ALDH1L1: variants seen among roughly 807,000 people sequenced by gnomAD.
The protein encoded by ALDH1L1 is cytosolic 10-formyltetrahydrofolate dehydrogenase.
A neutral mutation model predicts 101.1 loss-of-function variants in ALDH1L1; 68 were observed. The observed-to-expected ratio is 0.67, with a 90% confidence interval of 0.55 to 0.82. The LOEUF is 0.82. Ranked by LOEUF, ALDH1L1 falls within the 40% of genes least tolerant of loss-of-function variation. The pLI is 0.00. For missense variants in ALDH1L1, 1,087 were observed against 1,172.7 expected (o/e 0.93, Z 1.07); for synonymous variants, 486 against 470.8 (o/e 1.03, Z -0.42).
intron 6 of ALDH1L1, 44 bp from the exon 7 acceptor site, chr3:126,153,625 C>G (rs757989480): frequency 1.3e-6 from 2 of 1,585,106 alleles, no homozygotes; most frequent in Non-Finnish European, 1.7e-6. Flanking sequence ...TGAGAAGAAG[C>G]CCCCGAAGCC....
chr3:126,104,208 G>T (rs923621848), intron 22 of ALDH1L1: 1 of 295,092 alleles, frequency 3.4e-6, no homozygotes, highest in Non-Finnish European at 6.4e-6. Flanking sequence ...CCCCAGCTAC[G>T]TCTGCATCAA....
chr3:126,188,873 A>G (rs1427887864), intron 1 of ALDH1L1, among the ~76,000 whole-genome samples: 3 of 152,204 alleles, frequency 2.0e-5, no homozygotes, highest in Admixed American at 2.0e-4. Context: ...AAACAAATCA[A>G]CTACAGTCGA....
In ALDH1L1 at chr3:126,148,185, A is replaced by G. The variant is rs140076198; in HGVS notation, c.985-1259T>C. Among the ~76,000 whole-genome samples, 178 of 152,290 alleles carry G rather than the reference A, an allele frequency of 1.2e-3. 1 individual carries two copies. Among genetic ancestry groups the G allele is most frequent in the African/African-American group, 4.1e-3 (170 of 41,562 alleles). On this transcript the variant is annotated intron_variant, in intron 8 of 22. Coordinates refer to ENST00000393434, the MANE Select transcript of ALDH1L1 (RefSeq NM_012190.4). ...CAGACTGGTCACTGAGTGCACCACA[A>G]AGCCAAAGCCCACCAAGCCATGAAA...
chr3:126,174,054 G>C (rs1288426441), intron 1 of ALDH1L1, among the ~76,000 whole-genome samples: 4 of 151,962 alleles, frequency 2.6e-5, no homozygotes, highest in Non-Finnish European at 5.9e-5. Context: ...GTTTTTTTTG[G>C]GGGGGCGGAG....
At chr3:126,186,916 T>G (rs1226700363) in intron 1 of ALDH1L1, among the ~76,000 whole-genome samples, 11 of 152,082 alleles carry the variant, frequency 7.2e-5, no homozygotes, top group Non-Finnish European at 2.9e-5. Flanking sequence ...CAGCTGGAGA[T>G]CAGCAGTAGC....
chr3:126,134,750 T>A (rs2080390988), intron 12 of ALDH1L1, among the ~76,000 whole-genome samples: 1 of 152,222 alleles, frequency 6.6e-6, no homozygotes, highest in Non-Finnish European at 1.5e-5. Context: ...AGGAGCTTCG[T>A]TGGGACCACG....
chr3:126,134,740 A>C (rs1327417205), intron 12 of ALDH1L1, among the ~76,000 whole-genome samples: 1 of 152,182 alleles, frequency 6.6e-6, no homozygotes, highest in African/African-American at 2.4e-5. Context: ...CTGCCAGGTG[A>C]GGAGCTTCGT....
chr3:126,112,677 C>A (rs929365116), intron 19 of ALDH1L1, 105 bp downstream of exon 19: 18 of 1,100,940 alleles, frequency 1.6e-5, no homozygotes, highest in Non-Finnish European at 2.2e-5. Context: ...CAGGAGGAGC[C>A]CAGCCTCACT....
intron 19 of ALDH1L1, chr3:126,110,421 A>AC (rs1946042390): frequency 2.6e-6 from 1 of 388,110 alleles, no homozygotes; most frequent in African/African-American, 2.0e-5. Flanking sequence ...GGGGCTCAAT[A>AC]CAACACGTAT....
intron 4 of ALDH1L1, 69 bp downstream of exon 4, chr3:126,157,274 G>T: frequency 6.6e-7 from 1 of 1,503,908 alleles, no homozygotes; most frequent in South Asian, 1.3e-5. Flanking sequence ...GGAGCGGTGG[G>T]CTGGGTCTAG....
At chr3:126,165,454 A>G (rs1268918145) in intron 1 of ALDH1L1, among the ~76,000 whole-genome samples, 1 of 152,114 alleles carries the variant, frequency 6.6e-6, no homozygotes, top group Non-Finnish European at 1.5e-5. Context: ...GTCAGGTAGG[A>G]TCCCCTCCTT....
chr3:126,174,912 A>G (rs940825213), intron 1 of ALDH1L1, among the ~76,000 whole-genome samples: 2 of 152,170 alleles, frequency 1.3e-5, no homozygotes, highest in Non-Finnish European at 2.9e-5. Flanking sequence ...AACTTGTGAA[A>G]TTGAAAACAT....
intron 16 of ALDH1L1, among the ~76,000 whole-genome samples, chr3:126,120,173 A>C (rs1365089997): frequency 6.6e-6 from 1 of 152,270 alleles, no homozygotes; most frequent in East Asian, 1.9e-4. Flanking sequence ...CAAAACCTGC[A>C]CACGAATGTT....
At chr3:126,112,750 C>T (rs1946119570) in intron 19 of ALDH1L1, 32 bp downstream of exon 19, 2 of 1,603,210 alleles carry the variant, frequency 1.2e-6, no homozygotes, top group East Asian at 2.2e-5. Context: ...CCCAGTGAAC[C>T]AGCCGCCCGC....
At chr3:126,135,338 AT>A in intron 12 of ALDH1L1, 196 bp downstream of exon 12, 1 of 596,236 alleles carries the variant, frequency 1.7e-6, no homozygotes. Flanking sequence ...TGTTTCTCAT[AT>A]CCCTTCCTCT....
At chr3:126,124,322 G>A (rs1387649393) in intron 16 of ALDH1L1, 42 bp downstream of exon 16, 4 of 1,548,796 alleles carry the variant, frequency 2.6e-6, no homozygotes, top group African/African-American at 2.8e-5. Context: ...GGCATCTCCA[G>A]CTGCCAGAAG....
chr3:126,164,508 G>A (rs1358182048), intron 1 of ALDH1L1, among the ~76,000 whole-genome samples: 2 of 152,178 alleles, frequency 1.3e-5, no homozygotes, highest in Non-Finnish European at 2.9e-5. Flanking sequence ...ATTCACTTAG[G>A]ATTACGGCCT....
At chr3:126,159,874 C>A (rs2081004874) in intron 2 of ALDH1L1, among the ~76,000 whole-genome samples, 1 of 152,170 alleles carries the variant, frequency 6.6e-6, no homozygotes, top group African/African-American at 2.4e-5. Flanking sequence ...GGCCAGGCTG[C>A]AGCTTCCCCA....
chr3:126,185,456 A>G (rs2081509707), upstream of ALDH1L1, among the ~76,000 whole-genome samples: 1 of 152,266 alleles, frequency 6.6e-6, no homozygotes, highest in Non-Finnish European at 1.5e-5. Context: ...GAGGTGAGAC[A>G]TGAAGAAAGC....
Sources: allele counts gnomAD v4.1 joint callset (sites outside exome capture counted in the v4.1 genomes callset), GRCh38; gene constraint gnomAD v4.1.1; transcripts MANE v1.5; gene names NCBI Gene and HGNC (gene_info 2026-07-23, HGNC 2026-07-21).